Variants in ADCYAP1R1 observed in about 807,000 individuals in gnomAD.
ADCYAP1R1 encodes pituitary adenylate cyclase-activating polypeptide type I receptor.
A neutral mutation model predicts 67.6 loss-of-function variants in ADCYAP1R1; 44 were observed. The observed-to-expected ratio is 0.65, with a 90% CI of 0.51 to 0.84. ADCYAP1R1 has a LOEUF of 0.84. ADCYAP1R1 is among the 40% of genes least tolerant of loss of function. The probability of loss-of-function intolerance (pLI) is 0.00; values close to 1 mark genes in which losing one functional copy is unlikely to be tolerated. For synonymous variants in ADCYAP1R1, 222 were observed against 219.6 expected (o/e 1.01, Z -0.10); for missense variants, 477 against 587.9 (o/e 0.81, Z 1.95).
chr7:31,078,114 T>C lies in ADCYAP1R1; in HGVS notation c.265+16T>C. The C allele has an allele frequency of 6.3e-7, 1 of 1,597,938 alleles. No individual in the cohort carries two copies. The highest frequency in any genetic ancestry group is 8.5e-7 in the Non-Finnish European group (1 of 1,171,594). On this transcript the variant is annotated intron_variant, in intron 4 of 15. Transcript: ENST00000304166. ...CCAGACCAAGGTGGGTTTAGCCCAG[T>C]CTCTTTAGGCCACGCTGGCCTAGCC...
chr7:31,103,403 G>C, intron 14 of ADCYAP1R1, 37 bp downstream of exon 14: 2 of 1,613,712 alleles, frequency 1.2e-6, no homozygotes, highest in Middle Eastern at 1.7e-4. Context: ...AACTCACTGG[G>C]AGCCAGGGCC....
In ADCYAP1R1 at chr7:31,102,942, T is replaced by A. The variant is rs1796495806; in HGVS notation, c.1047-295T>A. 1.3e-5 allele frequency among the ~76,000 whole-genome samples: 2 copies of A among 152,244 alleles called. No individual in the cohort carries two copies. The highest frequency in any genetic ancestry group is 2.9e-5 in the Non-Finnish European group (2 of 68,046). On this transcript the variant is annotated intron_variant, in intron 13 of 15. Transcript: ENST00000304166. This position sits in a 1 kb window ranked among gnomAD's most constrained non-coding sequence, Gnocchi z 4.3. The stretch of plus-strand genomic sequence containing the variant: ...TCCCTGTGTTTTGCCCTGACTTTGC[T>A]TTTCCAGAAGGTTTTGCACGTCACC...
intron 5 of ADCYAP1R1, among the ~76,000 whole-genome samples, chr7:31,080,966 C>T (rs545020323): frequency 8.5e-5 from 13 of 152,204 alleles, no homozygotes; most frequent in African/African-American, 2.9e-4. Context: ...CAGACCTGAA[C>T]ATGTGCATCA....
At chr7:31,098,358 C>T (rs1796292347) in intron 13 of ADCYAP1R1, among the ~76,000 whole-genome samples, 1 of 152,316 alleles carries the variant, frequency 6.6e-6, no homozygotes, top group African/African-American at 2.4e-5. Flanking sequence ...TTTTGACATT[C>T]ATTGAGGAAT....
chr7:31,084,462 G>A (rs570788607), intron 7 of ADCYAP1R1, among the ~76,000 whole-genome samples: 1 of 152,356 alleles, frequency 6.6e-6, no homozygotes, highest in Admixed American at 6.5e-5. Flanking sequence ...CTGGACCTTT[G>A]TGTAGTCCAA....
At chr7:31,087,214 T>A (rs1053222744) in intron 11 of ADCYAP1R1, among the ~76,000 whole-genome samples, 7 of 152,204 alleles carry the variant, frequency 4.6e-5, no homozygotes, top group Admixed American at 2.6e-4. Flanking sequence ...AGCAAGAGAA[T>A]GTGCTAGGTG....
At chr7:31,085,135 G>A (rs184422585) in intron 8 of ADCYAP1R1, among the ~76,000 whole-genome samples, 175 bp from the exon 9 acceptor site, 64 of 152,318 alleles carry the variant, frequency 4.2e-4, no homozygotes, top group South Asian at 8.3e-4. Context: ...GTGGAGCTGG[G>A]TTATAGGGGC....
intron 1 of ADCYAP1R1, among the ~76,000 whole-genome samples, chr7:31,055,698 A>C (rs1360143835): frequency 1.3e-5 from 2 of 152,206 alleles, no homozygotes; most frequent in Admixed American, 6.5e-5. Flanking sequence ...AGGGGTTGCC[A>C]GCTCCTGCGA....
chr7:31,105,271 C>T (rs1277515473), intron 15 of ADCYAP1R1, among the ~76,000 whole-genome samples: 1 of 152,228 alleles, frequency 6.6e-6, no homozygotes, highest in African/African-American at 2.4e-5. Flanking sequence ...GGGTGGGGCA[C>T]AGGACATAGG....
At chr7:31,090,602 T>C (rs1341262039) in intron 12 of ADCYAP1R1, among the ~76,000 whole-genome samples, 4 of 152,204 alleles carry the variant, frequency 2.6e-5, no homozygotes, top group Non-Finnish European at 4.4e-5. Context: ...CCAGTGTCCA[T>C]TGTTGCCATT....
intron 4 of ADCYAP1R1, 148 bp from the exon 5 acceptor site, chr7:31,080,465 T>C: frequency 1.3e-6 from 1 of 766,696 alleles, no homozygotes; most frequent in Admixed American, 2.2e-5. Context: ...TCCTGATGCC[T>C]TCTGGGTCCC....
chr7:31,087,066 G>A (rs1372084841), intron 11 of ADCYAP1R1, 63 bp downstream of exon 11: 3 of 1,574,484 alleles, frequency 1.9e-6, no homozygotes, highest in Non-Finnish European at 2.6e-6. Flanking sequence ...TGGGTTCTCA[G>A]TAGCTGCCCT....
At chr7:31,066,613 G>A (rs1383319266) in intron 3 of ADCYAP1R1, among the ~76,000 whole-genome samples, 3 of 149,414 alleles carry the variant, frequency 2.0e-5, no homozygotes, top group Non-Finnish European at 3.0e-5. Context: ...TCTTAAACCT[G>A]GCTGCACATC....
At position 31,086,309 on chromosome 7, in the gene ADCYAP1R1, A is replaced by G; in HGVS notation, c.670-75A>G. 1 of 1,498,798 alleles carries G rather than the reference A, an allele frequency of 6.7e-7. No homozygotes were observed. Among genetic ancestry groups the G allele is most frequent in the Non-Finnish European group, 9.1e-7 (1 of 1,103,354 alleles). 92.8% of individuals were successfully genotyped at this position (1,498,798 alleles called of 1,614,324 possible). On this transcript the variant is annotated intron_variant, in intron 9 of 15. Transcript: ENST00000304166. The surrounding 1 kb of genome is among the most constrained non-coding windows in gnomAD (Gnocchi z 5.0). ...GTTTGAACCTGAGCATGCCAGAGCCAACGGGCCCTAGGATTCTCCCTTGCT... is the reference window on the plus strand; with the variant it reads ...GTTTGAACCTGAGCATGCCAGAGCCGACGGGCCCTAGGATTCTCCCTTGCT...
rs115801021 is a variant in ADCYAP1R1, at chr7:31,096,740, G to A, written c.1046+4005G>A. On this transcript the variant is annotated intron_variant, in intron 13 of 15. Coordinates refer to ENST00000304166, the MANE Select transcript of ADCYAP1R1 (RefSeq NM_001118.5). ...GTGCTGCTAGCTGGGGTGCCAGTGT[G>A]GTAGGGAGTACTTCGAGGACTGGGC... Among the ~76,000 whole-genome samples the A allele has an allele frequency of 5.7e-3, 872 of 152,220 alleles. 5 individuals are homozygous for A. The highest frequency in any genetic ancestry group is 0.02 in the African/African-American group (845 of 41,530).
intron 13 of ADCYAP1R1, among the ~76,000 whole-genome samples, chr7:31,096,871 T>C (rs143920229): frequency 2.6e-5 from 4 of 152,236 alleles, no homozygotes; most frequent in African/African-American, 9.6e-5. Flanking sequence ...AGCACCACAG[T>C]GATCCCTAGG....
At chr7:31,077,181 T>C (rs1010326061) in intron 3 of ADCYAP1R1, among the ~76,000 whole-genome samples, 7 of 152,336 alleles carry the variant, frequency 4.6e-5, no homozygotes, top group African/African-American at 1.7e-4. Flanking sequence ...CCCGGCCCCC[T>C]GCAAGGGCCT....
intron 3 of ADCYAP1R1, among the ~76,000 whole-genome samples, chr7:31,076,488 T>C (rs1257023143): frequency 6.6e-6 from 1 of 152,186 alleles, no homozygotes; most frequent in Admixed American, 6.5e-5. Flanking sequence ...GCTTGACAGT[T>C]TCCTCTTCCT....
intron 3 of ADCYAP1R1, among the ~76,000 whole-genome samples, chr7:31,066,934 T>G (rs907963383): frequency 9.2e-5 from 14 of 152,124 alleles, no homozygotes; most frequent in Non-Finnish European, 1.9e-4. Context: ...AGCAGATGGG[T>G]TGGGCTATTG....
Sources: allele counts gnomAD v4.1 joint callset (sites outside exome capture counted in the v4.1 genomes callset), GRCh38; gene constraint gnomAD v4.1.1; non-coding constraint Gnocchi (gnomAD v3.1); transcripts MANE v1.5; gene names NCBI Gene and HGNC (gene_info 2026-07-23, HGNC 2026-07-21).